The following PCDH15 variants were observed in gnomAD, a reference collection of about 807,000 sequenced individuals.
PCDH15 encodes protocadherin-15.
Under a neutral mutation model 178.5 loss-of-function variants are expected in PCDH15, and 129 were observed. The observed-to-expected ratio is 0.72, with a 90% confidence interval of 0.63 to 0.84. The LOEUF is 0.84. PCDH15 is among the 40% of genes least tolerant of loss of function. The pLI is 0.00. For missense variants in PCDH15, 2,230 were observed against 2,099.9 expected (o/e 1.06, Z -1.21); for synonymous variants, 800 against 732.0 (o/e 1.09, Z -1.50).
intron 2 of PCDH15, among the ~76,000 whole-genome samples, chr10:55,159,539 C>T (rs879794095): frequency 1.4e-5 from 2 of 148,030 alleles, no homozygotes; most frequent in East Asian, 2.0e-4. Flanking sequence ...TAGACTAGGA[C>T]GTGACAAAAT....
At chr10:55,064,934 T>C (rs1841524744) in intron 2 of PCDH15, among the ~76,000 whole-genome samples, 1 of 152,020 alleles carries the variant, frequency 6.6e-6, no homozygotes, top group East Asian at 1.9e-4. Context: ...TCACAATAAA[T>C]AGAATATTTT....
In PCDH15 at chr10:54,307,884, C is replaced by T. The variant is rs191706207; in HGVS notation, c.876+9387G>A. On this transcript the variant is annotated intron_variant, in intron 8 of 37. Coordinates refer to ENST00000644397, the MANE Select transcript of PCDH15 (RefSeq NM_001384140.1). ...CTTCCCATGTGTCTCTGAGTAAACA[C>T]CAAGCAGACGAAAAATTTCCATTGC... Among the ~76,000 whole-genome samples the T allele has an allele frequency of 1.0e-3, 154 of 152,020 alleles. 3 individuals are homozygous for T. The highest frequency in any genetic ancestry group is 6.8e-3 in the Middle Eastern group (2 of 294).
intron 3 of PCDH15, among the ~76,000 whole-genome samples, chr10:54,486,765 T>C (rs1295115204): frequency 2.0e-5 from 3 of 152,030 alleles, no homozygotes; most frequent in East Asian, 3.9e-4. Context: ...TAAATGTATT[T>C]ATAGTGCTAT....
intron 23 of PCDH15, among the ~76,000 whole-genome samples, chr10:53,948,609 TA>T (rs2086767571): frequency 6.6e-6 from 1 of 152,200 alleles, no homozygotes; most frequent in Admixed American, 6.5e-5. Flanking sequence ...TTATCCATTA[TA>T]AATTGGTGAT....
At chr10:55,272,337 A>C (rs112854930) in intron 1 of PCDH15, among the ~76,000 whole-genome samples, 2,537 of 151,058 alleles carry the variant, frequency 0.017, 90 homozygotes, top group African/African-American at 0.057. Context: ...TCAAAGTTGA[A>C]TATTTTTATT....
intron 2 of PCDH15, among the ~76,000 whole-genome samples, chr10:54,629,477 A>G (rs2093643591): frequency 6.6e-6 from 1 of 152,168 alleles, no homozygotes; most frequent in African/African-American, 2.4e-5. Context: ...CCTCATACAC[A>G]AAACAAAACT....
intron 26 of PCDH15, among the ~76,000 whole-genome samples, chr10:53,886,211 T>C (rs1764707605): frequency 6.6e-6 from 1 of 152,188 alleles, no homozygotes. Flanking sequence ...GTGCTTTATG[T>C]GCATTTTCTC....
intron 3 of PCDH15, among the ~76,000 whole-genome samples, chr10:54,508,025 C>T (rs2081315914): frequency 6.6e-6 from 1 of 151,954 alleles, no homozygotes; most frequent in South Asian, 2.1e-4. Flanking sequence ...CTTCCTCTAA[C>T]CTGCATAACA....
chr10:54,662,841 A>T (rs6481115), intron 2 of PCDH15, among the ~76,000 whole-genome samples: 2 of 151,904 alleles, frequency 1.3e-5, no homozygotes, highest in African/African-American at 4.8e-5. Context: ...ATTTAAAATG[A>T]GCTCTTGAAC....
chr10:55,392,466 A>G (rs1490584904), intron 2 of PCDH15, among the ~76,000 whole-genome samples: 2 of 152,204 alleles, frequency 1.3e-5, no homozygotes, highest in East Asian at 3.8e-4. Flanking sequence ...AAACTAAGGT[A>G]TAGTTTTTTG....
chr10:54,305,149 A>G (rs939278230), intron 8 of PCDH15, among the ~76,000 whole-genome samples: 1 of 152,070 alleles, frequency 6.6e-6, no homozygotes. Context: ...ATTCTAAACC[A>G]TCTTTTAGCC....
At chr10:54,293,605 TCAAA>T (rs1767833525) in intron 8 of PCDH15, among the ~76,000 whole-genome samples, 2 of 151,866 alleles carry the variant, frequency 1.3e-5, no homozygotes, top group Non-Finnish European at 2.9e-5. Context: ...TACAAAGAAC[TCAAA>T]CAAATTTACA....
At chr10:55,102,203 T>C (rs1157762931) in intron 2 of PCDH15, among the ~76,000 whole-genome samples, 1 of 152,108 alleles carries the variant, frequency 6.6e-6, no homozygotes, top group East Asian at 1.9e-4. Context: ...TTTTTCCCTT[T>C]ACTCTGAATT....
At chr10:55,113,055 T>C (rs1837548088) in intron 2 of PCDH15, among the ~76,000 whole-genome samples, 1 of 152,204 alleles carries the variant, frequency 6.6e-6, no homozygotes, top group Non-Finnish European at 1.5e-5. Flanking sequence ...GGCATCATCC[T>C]GTAACATCAC....
chr10:54,347,618 G>C (rs1943513673), intron 5 of PCDH15, among the ~76,000 whole-genome samples: 1 of 152,066 alleles, frequency 6.6e-6, no homozygotes, highest in South Asian at 2.1e-4. Flanking sequence ...CATTTTACAA[G>C]GATCCCTCAG....
At chr10:54,398,606 A>G (rs903556481) in intron 3 of PCDH15, among the ~76,000 whole-genome samples, 16 of 152,062 alleles carry the variant, frequency 1.1e-4, no homozygotes, top group Non-Finnish European at 1.9e-4. Flanking sequence ...TTTGTAAGTG[A>G]AATTTAACCC....
chr10:54,380,711 T>C (rs1432811510), intron 3 of PCDH15, among the ~76,000 whole-genome samples: 1 of 41,206 alleles, frequency 2.4e-5, no homozygotes, highest in East Asian at 3.3e-4. Context: ...GCTCCATATA[T>C]ATATATATAT....
chr10:54,520,947 C>T (rs989848647), intron 3 of PCDH15, among the ~76,000 whole-genome samples: 1 of 151,414 alleles, frequency 6.6e-6, no homozygotes, highest in Non-Finnish European at 1.5e-5. Flanking sequence ...TCATTCTCAG[C>T]AAACTATCGC....
intron 1 of PCDH15, among the ~76,000 whole-genome samples, chr10:54,696,398 G>T (rs2095224456): frequency 6.6e-6 from 1 of 152,070 alleles, no homozygotes. Context: ...AAAAAAAGTG[G>T]TTTCTTGAGA....
Sources: gnomAD v4.1 joint callset for allele counts (sites outside exome capture counted in the v4.1 genomes callset) on GRCh38, gnomAD v4.1.1 for gene constraint, MANE v1.5 for transcripts, NCBI Gene and HGNC (gene_info 2026-07-23, HGNC 2026-07-21) for gene names.